TAB2: variants seen among roughly 807,000 people sequenced by gnomAD.
TAB2 encodes the protein TGF-beta activated kinase 1 (MAP3K7) binding protein 2.
TAB2 carries 3 observed loss-of-function variants against 65.0 expected under a neutral mutation model. The ratio of observed to expected loss-of-function variants is 0.05; its 90% CI spans 0.02 to 0.12. The LOEUF (loss-of-function observed/expected upper bound fraction) is 0.12. TAB2 is among the 10% of genes least tolerant of loss of function. TAB2 has a pLI of 1.00. For synonymous variants in TAB2, 298 were observed against 285.1 expected, an observed-to-expected ratio of 1.05 and a Z score of -0.46; for missense variants, 623 against 840.3, an observed-to-expected ratio of 0.74 and a Z score of 3.20.
upstream of TAB2, chr6:149,218,553 T>C (rs1777070600): frequency 5.1e-6 from 1 of 195,386 alleles, no homozygotes; most frequent in African/African-American, 2.3e-5. Context: ...GGAGCTGTCC[T>C]CTTAGAAGCA....
At chr6:149,401,447 C>T (rs1461617928) in intron 6 of TAB2, among the ~76,000 whole-genome samples, 1 of 151,842 alleles carries the variant, frequency 6.6e-6, no homozygotes, top group African/African-American at 2.4e-5. Context: ...ATTTTTAAGT[C>T]TAAAACTTGA....
intron 1 of TAB2, among the ~76,000 whole-genome samples, chr6:149,236,381 A>G (rs936526275): frequency 1.3e-5 from 2 of 152,220 alleles, no homozygotes; most frequent in African/African-American, 2.4e-5. Context: ...CAACTTGGGA[A>G]CATGTCAGAA....
intron 6 of TAB2, chr6:149,400,714 T>A (rs1169532054): frequency 6.3e-7 from 1 of 1,597,634 alleles, no homozygotes; most frequent in Non-Finnish European, 8.5e-7. Context: ...AGAACGCTGT[T>A]CTTTAAAGAC....
intron 1 of TAB2, among the ~76,000 whole-genome samples, chr6:149,338,399 G>A (rs1583101241): frequency 1.3e-5 from 2 of 152,218 alleles, no homozygotes; most frequent in Non-Finnish European, 2.9e-5. Flanking sequence ...TGTATTTTAA[G>A]GAATGTTAAT....
intron 1 of TAB2, among the ~76,000 whole-genome samples, chr6:149,336,749 G>C (rs960425683): frequency 6.6e-6 from 1 of 152,118 alleles, no homozygotes; most frequent in African/African-American, 2.4e-5. Flanking sequence ...CAGTAGTGTA[G>C]TAAGCAAAGA....
intron 1 of TAB2, among the ~76,000 whole-genome samples, chr6:149,362,349 G>C (rs1780878971): frequency 6.6e-6 from 1 of 152,212 alleles, no homozygotes; most frequent in Admixed American, 6.5e-5. Context: ...TACAGCTATG[G>C]CAGAAGGCAA....
Position 149,262,413 on chromosome 6 carries a change from A to G in TAB2, c.-121+43637A>G, listed in dbSNP as rs1222842495. On this transcript the variant is annotated intron_variant, in intron 1 of 1. Coordinates refer to the TAB2 transcript ENST00000606202. ...CTGGGCGTGGTGGTGGGTGCCTGTA[A>G]TCCCAGCTACTTGGGAGGCTGAGGC... Among the ~76,000 whole-genome samples, 4 of 152,208 alleles carry G rather than the reference A, an allele frequency of 2.6e-5. No individual in the cohort carries two copies. In the East Asian group the frequency reaches 7.7e-4, roughly 29 times the overall value.
At chr6:149,253,016 G>A (rs1028015503) in intron 1 of TAB2, 2 of 152,326 alleles carry the variant, frequency 1.3e-5, no homozygotes, top group African/African-American at 4.8e-5. Context: ...AGAGACCTGA[G>A]CTAAATCAGT....
chr6:149,344,809 T>A (rs2114787739), intron 1 of TAB2, among the ~76,000 whole-genome samples: 1 of 152,260 alleles, frequency 6.6e-6, no homozygotes, highest in Admixed American at 6.5e-5. Flanking sequence ...TGCAAAGAGT[T>A]TTACCTGCAG....
At chr6:149,257,945 G>A (rs967818546) in intron 1 of TAB2, among the ~76,000 whole-genome samples, 2 of 152,206 alleles carry the variant, frequency 1.3e-5, no homozygotes, top group African/African-American at 4.8e-5. Flanking sequence ...AGTTCAAACA[G>A]TGGGGAGTGA....
intron 1 of TAB2, chr6:149,247,330 C>A (rs112562158): frequency 1.3e-5 from 2 of 152,280 alleles, no homozygotes; most frequent in Non-Finnish European, 1.5e-5. Flanking sequence ...GTTTCACACA[C>A]GTCATTTTGT....
intron 1 of TAB2, among the ~76,000 whole-genome samples, chr6:149,357,513 A>G (rs529502173): frequency 1.3e-5 from 2 of 151,870 alleles, no homozygotes; most frequent in South Asian, 2.1e-4. Context: ...CTCTTTATCA[A>G]TATGTAAATG....
At chr6:149,404,041 T>C (rs748998923) in intron 6 of TAB2, among the ~76,000 whole-genome samples, 11 of 152,116 alleles carry the variant, frequency 7.2e-5, no homozygotes, top group Non-Finnish European at 1.0e-4. Context: ...AGTAAAATTA[T>C]CTGTTTGCAG....
chr6:149,244,409 T>C (rs1777661648), intron 1 of TAB2: 1 of 152,200 alleles, frequency 6.6e-6, no homozygotes, highest in Non-Finnish European at 1.5e-5. Flanking sequence ...GCAGTGAAGT[T>C]TACCAGAACA....
intron 1 of TAB2, among the ~76,000 whole-genome samples, chr6:149,259,965 A>G (rs1232898099): frequency 2.0e-5 from 3 of 152,168 alleles, no homozygotes; most frequent in South Asian, 4.1e-4. Context: ...AAAAAAATAC[A>G]TGTGAGTAAT....
intron 1 of TAB2, among the ~76,000 whole-genome samples, chr6:149,309,541 C>G (rs911092542): frequency 6.6e-6 from 1 of 151,978 alleles, no homozygotes; most frequent in African/African-American, 2.4e-5. Flanking sequence ...GGACTACAGG[C>G]GCCCGCCACC....
At chr6:149,402,325 T>C (rs1355053006) in intron 6 of TAB2, among the ~76,000 whole-genome samples, 4 of 151,704 alleles carry the variant, frequency 2.6e-5, no homozygotes, top group African/African-American at 7.3e-5. Context: ...TAGAAAAAAA[T>C]TGATACATTC....
intron 1 of TAB2, among the ~76,000 whole-genome samples, chr6:149,284,758 T>A (rs1778639343): frequency 6.6e-6 from 1 of 152,068 alleles, no homozygotes; most frequent in Non-Finnish European, 1.5e-5. Context: ...TATTTATCCA[T>A]CTAGCTGCTA....
intron 1 of TAB2, among the ~76,000 whole-genome samples, chr6:149,357,988 A>C (rs1270838195): frequency 6.6e-6 from 1 of 152,242 alleles, no homozygotes; most frequent in Non-Finnish European, 1.5e-5. Context: ...GGCGTGAGCC[A>C]TCACGCCCGG....
Sources: gnomAD v4.1 joint callset for allele counts (sites outside exome capture counted in the v4.1 genomes callset) on GRCh38, gnomAD v4.1.1 for gene constraint, MANE v1.5 for transcripts, NCBI Gene and HGNC (gene_info 2026-07-23, HGNC 2026-07-21) for gene names.